Variants in KCNK16 observed in about 807,000 individuals in gnomAD.
KCNK16 encodes the protein potassium two pore domain channel subfamily K member 16.
In KCNK16, 23 loss-of-function variants were observed where a neutral mutation model predicts 23.0. The ratio of observed to expected loss-of-function variants is 1.00; its 90% CI spans 0.72 to 1.41. The LOEUF (loss-of-function observed/expected upper bound fraction) is 1.41, where lower values mean the gene tolerates loss of function less well. KCNK16 is among the 40% of genes most tolerant of loss of function. The pLI is 0.00. For synonymous variants in KCNK16, 145 were observed against 153.5 expected (o/e 0.94, Z 0.41); for missense variants, 327 against 365.8 (o/e 0.89, Z 0.87).
At chr6:39,315,069 G>A (rs773857908), downstream of KCNK16, 6 of 1,614,208 alleles carry the variant, frequency 3.7e-6, no homozygotes, top group Non-Finnish European at 5.1e-6. Context: ...TCTTGCTGCT[G>A]TAGAGCCTCT....
chr6:39,317,677 C>G, intron 3 of KCNK16, 109 bp downstream of exon 3: 1 of 1,239,576 alleles, frequency 8.1e-7, no homozygotes, highest in East Asian at 2.7e-5. Flanking sequence ...TCACAGGCAT[C>G]TACCCCTAAC....
chr6:39,316,438 T>A lies in KCNK16; in HGVS notation c.666A>T (p.Thr222=), dbSNP rs139474009. Residue 222 remains threonine (T), a synonymous_variant, in exon 5 of 5, where the codon ACA becomes ACT. Coordinates refer to ENST00000437525, the MANE Select transcript of KCNK16 (RefSeq NM_001135106.2). ...CTGAGATATAATGCTTGCTGGGGTC[T>A]GTGCCTGCCAGGGAAGGGAATGGCA... ...TIGFGDYVVG[T]DPSKHYISVY... is the part of the protein sequence containing the mutation. 2 of 1,596,382 alleles carry A rather than the reference T, an allele frequency of 1.3e-6. No individual in the cohort carries two copies. Among genetic ancestry groups the A allele is most frequent in the South Asian group, 2.2e-5 (2 of 89,652 alleles).
At chr6:39,316,676 C>G in intron 4 of KCNK16, 106 bp downstream of exon 4, 1 of 1,369,450 alleles carries the variant, frequency 7.3e-7, no homozygotes, top group East Asian at 2.3e-5. Flanking sequence ...CTTGAATGAC[C>G]AAGGGCTATC....
chr6:39,317,774 TA>T lies in KCNK16; in HGVS notation c.495+11del, dbSNP rs753052167. On this transcript the variant is annotated intron_variant, in intron 3 of 4. Transcript: ENST00000437525. The stretch of plus-strand genomic sequence containing the variant: ...TGTCACAGCAGGCCTGTAAGGGAGT[TA>T]GGGGGCATACCTGGGAGCGCCTGGG... The T allele has an allele frequency of 1.3e-6, 2 of 1,572,460 alleles. No individual in the cohort carries two copies. The highest frequency in any genetic ancestry group is 1.7e-6 in the Non-Finnish European group (2 of 1,159,188).
chr6:39,322,577 C>T lies in KCNK16; in HGVS notation c.-37G>A. On this transcript the variant is annotated 5_prime_UTR_variant, in exon 1 of 5. Coordinates refer to ENST00000437525, the MANE Select transcript of KCNK16 (RefSeq NM_001135106.2). ...GACCCTGCCAGGGCCGTGGGGCTGG[C>T]TATGGGGGAGAGGTGGGAAACAGGT... 1 of 1,545,132 alleles carries T rather than the reference C, an allele frequency of 6.5e-7. No homozygotes were observed. The highest frequency in any genetic ancestry group is 8.7e-7 in the Non-Finnish European group (1 of 1,149,710).
intron 1 of KCNK16, among the ~76,000 whole-genome samples, chr6:39,320,318 A>G (rs1018030850): frequency 1.3e-5 from 2 of 152,028 alleles, no homozygotes; most frequent in African/African-American, 4.8e-5. Flanking sequence ...ATTCCCGAAC[A>G]TGCTCGTTCT....
intron 1 of KCNK16, among the ~76,000 whole-genome samples, chr6:39,321,810 G>T (rs1406470635): frequency 6.6e-6 from 1 of 152,214 alleles, no homozygotes; most frequent in African/African-American, 2.4e-5. Context: ...GTGCAAACAG[G>T]CCAGGAAAGG....
At chr6:39,316,611 T>C (rs1352309525) in intron 4 of KCNK16, among the ~76,000 whole-genome samples, 169 bp from the exon 5 acceptor site, 1 of 152,158 alleles carries the variant, frequency 6.6e-6, no homozygotes, top group African/African-American at 2.4e-5. Context: ...ACCAGAAACT[T>C]CTGAGAATGT....
chr6:39,314,784 T>C, downstream of KCNK16: 1 of 541,370 alleles, frequency 1.8e-6, no homozygotes, highest in Non-Finnish European at 3.2e-6. Flanking sequence ...ACTTGCTGTC[T>C]GTCAATCTCA....
Position 39,317,890 on chromosome 6 carries a change from A to C in KCNK16, c.391T>G (p.Leu131Val), listed in dbSNP as rs749310698. ...GQVFCVFYALLGIPLNVIFLN... is the reference protein window; with the variant it reads ...GQVFCVFYALVGIPLNVIFLN... ...AAGATCACGTTAAGCGGGATGCCCA[A>C]CAGGGCATAGAAGACACAGAAGACC... The change falls in exon 3 of 5, where the codon TTG becomes GTG. Residue 131 changes from leucine to valine, a missense_variant. Physicochemically the swap from Leu to Val is conservative, Grantham distance 32. Coordinates refer to ENST00000437525, the MANE Select transcript of KCNK16 (RefSeq NM_001135106.2). 14 of 1,613,792 alleles carry C rather than the reference A, an allele frequency of 8.7e-6. No individual in the cohort carries two copies. The highest frequency in any genetic ancestry group is 1.6e-4 in the Middle Eastern group (1 of 6,082).
In KCNK16 at chr6:39,316,738, G is replaced by C. The variant is rs550165209; in HGVS notation, c.661+44C>G. On this transcript the variant is annotated intron_variant, in intron 4 of 4. Transcript: ENST00000437525. ...ACATCTCTCCATCCCCCAAATCCCA[G>C]TGGGCACCCCCACCCTGAGATAATG... 36 of 1,589,804 alleles carry C rather than the reference G, an allele frequency of 2.3e-5. No homozygotes were observed. In the East Asian group the frequency reaches 7.9e-4, roughly 35 times the overall value.
At position 39,322,404 on chromosome 6, in the gene KCNK16, T is replaced by C; in HGVS notation, c.137A>G (p.Gln46Arg). ...ERQAEAQSRD[Q>R]FQLEKLRFLE... is the part of the protein sequence containing the mutation. ...GAAGCGCAGCTTCTCCAACTGAAAC[T>C]GGTCCCTGGACTGAGCCTCCGCCTG... is the stretch of plus-strand genomic sequence containing the variant. Residue 46 changes from glutamine to arginine, a missense_variant, in exon 1 of 5, where the codon CAG (glutamine) becomes CGG (arginine). Transcript: ENST00000437525. 6.2e-7 allele frequency: 1 copy of C among 1,614,112 alleles called. No individual in the cohort carries two copies.
chr6:39,322,476 A>T lies in KCNK16; in HGVS notation c.65T>A (p.Val22Asp), dbSNP rs1329367197. 1.9e-6 allele frequency: 3 copies of T among 1,613,748 alleles called. No homozygotes were observed. In the African/African-American group the frequency reaches 4.0e-5, roughly 22 times the overall value. ...AGTGGCACCGAGCAGCAGGTAGCAG[A>T]CATAGGCCAGCAGCAGGGGCAGCAC... ...GRVLPLLLAYVCYLLLGATIF... is the reference protein window; with the variant it reads ...GRVLPLLLAYDCYLLLGATIF... The change falls in exon 1 of 5, where the codon GTC becomes GAC. Residue 22 changes from valine (V) to aspartate (D), a missense_variant. Physicochemically the swap from Val to Asp is radical, Grantham distance 152 (BLOSUM62 -3). Transcript: ENST00000437525.
intron 3 of KCNK16, 32 bp from the exon 4 acceptor site, chr6:39,316,979 C>T: frequency 1.9e-6 from 3 of 1,590,870 alleles, no homozygotes; most frequent in Non-Finnish European, 2.6e-6. Context: ...TCTGAGTCCA[C>T]TTGAAAGTCT....
At position 39,322,407 on chromosome 6, in the gene KCNK16, T is replaced by C. The variant is rs1396251400; in HGVS notation, c.134A>G (p.Asp45Gly). ...LERQAEAQSRDQFQLEKLRFL... is the reference protein window; with the variant it reads ...LERQAEAQSRGQFQLEKLRFL... The stretch of plus-strand genomic sequence containing the variant: ...GCGCAGCTTCTCCAACTGAAACTGG[T>C]CCCTGGACTGAGCCTCCGCCTGCCT... The change falls in exon 1 of 5, where the codon GAC (aspartate) becomes GGC (glycine). Residue 45 changes from aspartate (D) to glycine (G), a missense_variant. Coordinates refer to ENST00000437525, the MANE Select transcript of KCNK16 (RefSeq NM_001135106.2). 6.2e-7 allele frequency: 1 copy of C among 1,613,964 alleles called. No individual in the cohort carries two copies. Among genetic ancestry groups the C allele is most frequent in the Non-Finnish European group, 8.5e-7 (1 of 1,180,036 alleles).
downstream of KCNK16, chr6:39,315,562 C>T (rs2113847336): frequency 1.3e-6 from 1 of 754,322 alleles, no homozygotes; most frequent in South Asian, 1.9e-5. Flanking sequence ...AGCTCGCCTG[C>T]CCCTCGGCTG....
In KCNK16 at chr6:39,319,914, C is replaced by G; in HGVS notation, c.214-781G>C. On this transcript the variant is annotated intron_variant, in intron 1 of 4. Transcript: ENST00000437525. This position sits in a 1 kb window ranked among gnomAD's most constrained non-coding sequence, Gnocchi z 4.2. Reference sequence around the variant, plus strand: ...TTGCCGGCTCAAGCCTACAACACCTCCCTTCGCTGCCCCACTGCTGACAAC... The same window carrying G: ...TTGCCGGCTCAAGCCTACAACACCTGCCTTCGCTGCCCCACTGCTGACAAC... 6.6e-6 allele frequency among the ~76,000 whole-genome samples: 1 copy of G among 152,168 alleles called. No individual in the cohort carries two copies. The highest frequency in any genetic ancestry group is 1.9e-4 in the East Asian group (1 of 5,186).
intron 1 of KCNK16, among the ~76,000 whole-genome samples, chr6:39,320,036 A>G (rs1406576573): frequency 6.6e-6 from 1 of 152,122 alleles, no homozygotes; most frequent in Non-Finnish European, 1.5e-5. Flanking sequence ...GTCTCAGAGC[A>G]GCAGCACAGC....
At chr6:39,314,836 AC>A, downstream of KCNK16, 1 of 689,316 alleles carries the variant, frequency 1.5e-6, no homozygotes, top group South Asian at 2.0e-5. Context: ...TTTCCTTTGT[AC>A]CCCAAAAGAG....
Sources: gnomAD v4.1 joint callset for allele counts (sites outside exome capture counted in the v4.1 genomes callset) on GRCh38, gnomAD v4.1.1 for gene constraint, Gnocchi (gnomAD v3.1) non-coding constraint, MANE v1.5 for transcripts, NCBI Gene and HGNC (gene_info 2026-07-23, HGNC 2026-07-21) for gene names.